The following ACOT12 variants were observed in gnomAD, a reference collection of about 807,000 sequenced individuals.
ACOT12 encodes acyl-CoA thioesterase 12, also known as acetyl-coenzyme A thioesterase.
In ACOT12, 51 loss-of-function variants were observed where a neutral mutation model predicts 67.7. The observed-to-expected ratio is 0.75, with a 90% CI of 0.60 to 0.95. ACOT12 has a LOEUF of 0.95. ACOT12 is among the 40% of genes least tolerant of loss of function. The pLI is 0.00. For synonymous variants in ACOT12, 251 were observed against 244.6 expected, an observed-to-expected ratio of 1.03 and a Z score of -0.24; for missense variants, 734 against 708.1, an observed-to-expected ratio of 1.04 and a Z score of -0.41.
chr5:81,342,111 C>G (rs1759214198), intron 11 of ACOT12, among the ~76,000 whole-genome samples: 1 of 152,124 alleles, frequency 6.6e-6, no homozygotes. Flanking sequence ...CCACCTCAAC[C>G]TCCTGGGTAG....
chr5:81,377,063 T>A (rs764284348), intron 2 of ACOT12, among the ~76,000 whole-genome samples: 7 of 152,240 alleles, frequency 4.6e-5, no homozygotes, highest in Non-Finnish European at 8.8e-5. Flanking sequence ...GCAATATCCC[T>A]GATGAACATC....
chr5:81,330,579 T>C, intron 14 of ACOT12, 36 bp from the exon 15 acceptor site: 1 of 1,606,744 alleles, frequency 6.2e-7, no homozygotes, highest in Non-Finnish European at 8.5e-7. Flanking sequence ...TTTAATTTCT[T>C]ATTGACTTGG....
At chr5:81,336,939 T>G (rs1231727454) in intron 11 of ACOT12, among the ~76,000 whole-genome samples, 1 of 152,188 alleles carries the variant, frequency 6.6e-6, no homozygotes, top group East Asian at 1.9e-4. Context: ...TTACACCATT[T>G]AACCTCTCCA....
At chr5:81,379,328 CA>C (rs1220409438) in intron 2 of ACOT12, among the ~76,000 whole-genome samples, 2 of 49,046 alleles carry the variant, frequency 4.1e-5, no homozygotes, top group African/African-American at 8.6e-5. Flanking sequence ...GGGGGTCTGT[CA>C]GGGGGTGGGG....
At chr5:81,316,262 T>C in the ACOT12 span, among the ~76,000 whole-genome samples, 38 of 152,328 alleles carry the variant, frequency 2.5e-4, no homozygotes, top group South Asian at 7.7e-3. Context: ...TTCCAGGACA[T>C]GTTATCACCC....
In ACOT12 at chr5:81,387,359, T is replaced by G. The variant is rs1049724986; in HGVS notation, c.128-1533A>C. Among the ~76,000 whole-genome samples the G allele has an allele frequency of 4.7e-4, 72 of 152,236 alleles. 1 individual carries two copies. The highest frequency in any genetic ancestry group is 1.7e-3 in the African/African-American group (69 of 41,546). Reference sequence around the variant, plus strand: ...CCATAGTCAGTACCCTTTTAGAGCTTAAGTTTTCCAGGGAACTGCTGAAAC... The same window carrying G: ...CCATAGTCAGTACCCTTTTAGAGCTGAAGTTTTCCAGGGAACTGCTGAAAC... On this transcript the variant is annotated intron_variant, in intron 1 of 14. Coordinates refer to ENST00000307624, the MANE Select transcript of ACOT12 (RefSeq NM_130767.3).
At chr5:81,336,863 A>G (rs1455627217) in intron 11 of ACOT12, among the ~76,000 whole-genome samples, 2 of 152,228 alleles carry the variant, frequency 1.3e-5, no homozygotes, top group African/African-American at 4.8e-5. Context: ...AATATCATCA[A>G]TAAGAGAATG....
chr5:81,318,602 T>C, the ACOT12 span, among the ~76,000 whole-genome samples: 2 of 152,214 alleles, frequency 1.3e-5, no homozygotes, highest in South Asian at 2.1e-4. Flanking sequence ...TCAGTTTCGA[T>C]AGGGATTGTG....
At chr5:81,327,522 C>A (rs115902488), downstream of ACOT12, among the ~76,000 whole-genome samples, 1 of 152,158 alleles carries the variant, frequency 6.6e-6, no homozygotes, top group South Asian at 2.1e-4. Flanking sequence ...CAAACTGCAA[C>A]CTTCGCCTCC....
Position 81,386,994 on chromosome 5 carries a change from C to CTTTTTTTTTTTTTTT in ACOT12, c.128-1169_128-1168insAAAAAAAAAAAAAAA, listed in dbSNP as rs1052387807. On this transcript the variant is annotated intron_variant, in intron 1 of 14. Transcript: ENST00000307624. ...TCCAGACACTGAGTTGGATGAGTTC[C>CTTTTTTTTTTTTTTT]ATTTTTTTTTTTTTTTTTTTTTTTC... Among the ~76,000 whole-genome samples the CTTTTTTTTTTTTTTT allele has an allele frequency of 3.1e-5, 4 of 128,480 alleles. 1 individual carries two copies. The highest frequency in any genetic ancestry group is 9.7e-5 in the African/African-American group (3 of 30,800). The allele number at this position is 128,480 out of a possible 152,430, so 84.3% of individuals were successfully genotyped here. A position where few individuals can be genotyped will look rare whatever the true frequency, so the allele number is the denominator to read the frequency against.
At chr5:81,378,394 C>A (rs942113325) in intron 2 of ACOT12, among the ~76,000 whole-genome samples, 1 of 152,226 alleles carries the variant, frequency 6.6e-6, no homozygotes, top group East Asian at 1.9e-4. Flanking sequence ...TAGAAAAAAA[C>A]CTAGGCAATA....
chr5:81,379,485 TAA>T (rs200555465), intron 2 of ACOT12, among the ~76,000 whole-genome samples: 1 of 145,594 alleles, frequency 6.9e-6, no homozygotes, highest in African/African-American at 2.5e-5. Flanking sequence ...ACAATAATAA[TAA>T]AAAAAAAAGC....
rs770375880 is a variant in ACOT12, at chr5:81,385,838, A to T, written c.128-12T>A. The stretch of plus-strand genomic sequence containing the variant: ...AGCATGTTTCTCAGCTTCAAAAAAT[A>T]CATAAAAATGTGCTGCTTTAGTGGT... On this transcript the variant is annotated splice_polypyrimidine_tract_variant and intron_variant, in intron 1 of 14. Coordinates refer to ENST00000307624, the MANE Select transcript of ACOT12 (RefSeq NM_130767.3). 1 of 1,613,170 alleles carries T rather than the reference A, an allele frequency of 6.2e-7. No homozygotes were observed. Among genetic ancestry groups the T allele is most frequent in the Non-Finnish European group, 8.5e-7 (1 of 1,179,380 alleles).
At chr5:81,326,117 CTT>C (rs1199895738), downstream of ACOT12, among the ~76,000 whole-genome samples, 17 of 77,042 alleles carry the variant, frequency 2.2e-4, no homozygotes, top group Admixed American at 1.0e-3. Flanking sequence ...CCCTGAGATT[CTT>C]TTTTTTTTTT....
intron 3 of ACOT12, among the ~76,000 whole-genome samples, chr5:81,364,845 A>G (rs1760026982): frequency 7.2e-6 from 1 of 138,774 alleles, no homozygotes; most frequent in African/African-American, 2.8e-5. Context: ...AGAGAGATGT[A>G]CCATAACTTT....
the ACOT12 span, chr5:81,309,173 A>T: frequency 1.5e-6 from 1 of 654,414 alleles, no homozygotes; most frequent in East Asian, 2.9e-5. Flanking sequence ...ATTTTTATCA[A>T]GTGCTATCAT....
intron 3 of ACOT12, among the ~76,000 whole-genome samples, chr5:81,364,877 T>TA (rs914069941): frequency 2.5e-4 from 38 of 151,818 alleles, no homozygotes; most frequent in African/African-American, 8.7e-4. Context: ...ACTCTCAGAG[T>TA]TTTTTTTCCT....
intron 12 of ACOT12, among the ~76,000 whole-genome samples, chr5:81,332,908 T>A (rs530641463): frequency 2.4e-4 from 36 of 152,006 alleles, no homozygotes; most frequent in South Asian, 2.1e-3. Context: ...TTTATAAAAA[T>A]TTTTTAAAAA....
intron 11 of ACOT12, among the ~76,000 whole-genome samples, chr5:81,342,165 A>AT (rs1759215855): frequency 6.6e-6 from 1 of 152,068 alleles, no homozygotes; most frequent in Admixed American, 6.5e-5. Context: ...TAATTTTTAA[A>AT]TTTTTTGTAG....
Sources: allele counts gnomAD v4.1 joint callset (sites outside exome capture counted in the v4.1 genomes callset), GRCh38; gene constraint gnomAD v4.1.1; transcripts MANE v1.5; gene names NCBI Gene and HGNC (gene_info 2026-07-23, HGNC 2026-07-21).